Variants in CDH12 observed in about 807,000 individuals in gnomAD.
The protein encoded by CDH12 is cadherin-12.
Under a neutral mutation model 74.1 loss-of-function variants are expected in CDH12, and 41 were observed. The observed-to-expected ratio is 0.55, with a 90% CI of 0.43 to 0.72. The LOEUF is 0.72. CDH12 is among the 30% of genes least tolerant of loss of function. The pLI is 0.00. For missense variants in CDH12, 945 were observed against 977.2 expected, an observed-to-expected ratio of 0.97 and a Z score of 0.44; for synonymous variants, 399 against 355.0, an observed-to-expected ratio of 1.12 and a Z score of -1.39.
intron 5 of CDH12, among the ~76,000 whole-genome samples, chr5:22,042,574 A>G (rs1389658282): frequency 6.6e-6 from 1 of 152,158 alleles, no homozygotes; most frequent in Non-Finnish European, 1.5e-5. Context: ...TGGAAAACCT[A>G]TCAAGAATGA....
Position 21,827,567 on chromosome 5 carries a change from C to T in CDH12, c.815-10435G>A, listed in dbSNP as rs548094225. Among the ~76,000 whole-genome samples, 12 of 152,210 alleles carry T rather than the reference C, an allele frequency of 7.9e-5. No individual in the cohort carries two copies. The East Asian group carries it at 1.2e-3, about 15-fold the overall frequency. ...CACAACATTAAAGTACGAATTATTACGTTTAATACTATAGTTCTACTACTT... is the reference window on the plus strand; with the variant it reads ...CACAACATTAAAGTACGAATTATTATGTTTAATACTATAGTTCTACTACTT... On this transcript the variant is annotated intron_variant, in intron 8 of 14. Transcript: ENST00000382254.
intron 4 of CDH12, among the ~76,000 whole-genome samples, chr5:22,207,757 C>CCAAAATT (rs1302027779): frequency 5.9e-5 from 9 of 152,066 alleles, no homozygotes; most frequent in African/African-American, 2.4e-5. Flanking sequence ...ATAGTATGCC[C>CCAAAATT]CAAAATTCAA....
rs947322263 is a variant in CDH12 at position 22,315,593 on chromosome 5, A to G, written c.-333+89664T>C. ...TAAAATTAAGATGAGATTCATCAGA[A>G]AGGTGAAGGTCTAGAAAAGACATAT... On this transcript the variant is annotated intron_variant, in intron 3 of 14. Coordinates refer to ENST00000382254, the MANE Select transcript of CDH12 (RefSeq NM_004061.5). Among the ~76,000 whole-genome samples, 25 of 152,284 alleles carry G rather than the reference A, an allele frequency of 1.6e-4. No individual in the cohort carries two copies. In the East Asian group the frequency reaches 3.7e-3, roughly 22 times the overall value.
chr5:21,879,100 G>T (rs1033183687), intron 6 of CDH12, among the ~76,000 whole-genome samples: 3 of 152,050 alleles, frequency 2.0e-5, no homozygotes, highest in African/African-American at 4.8e-5. Context: ...TACTTCACAT[G>T]GTTCTCTCTC....
intron 4 of CDH12, among the ~76,000 whole-genome samples, chr5:22,098,523 A>C (rs565710517): frequency 6.4e-4 from 97 of 152,312 alleles, no homozygotes; most frequent in African/African-American, 2.1e-3. Context: ...TAGAGGCCCT[A>C]AAAATCACAA....
chr5:22,564,487 T>C (rs1320544645), intron 1 of CDH12, among the ~76,000 whole-genome samples: 3 of 152,240 alleles, frequency 2.0e-5, no homozygotes, highest in Non-Finnish European at 2.9e-5. Flanking sequence ...ATTATTATTG[T>C]TCTTATCTGA....
At chr5:22,722,121 A>G (rs1260371382) in intron 1 of CDH12, among the ~76,000 whole-genome samples, 2 of 152,186 alleles carry the variant, frequency 1.3e-5, no homozygotes, top group African/African-American at 4.8e-5. Context: ...CAATTGTAAC[A>G]TGGATTACAG....
At chr5:21,960,528 T>C (rs933478558) in intron 6 of CDH12, among the ~76,000 whole-genome samples, 5 of 152,166 alleles carry the variant, frequency 3.3e-5, no homozygotes, top group African/African-American at 1.2e-4. Context: ...CTTGGACAGT[T>C]ATTATTCTAT....
At chr5:22,599,201 T>A (rs1425498420) in intron 1 of CDH12, among the ~76,000 whole-genome samples, 1 of 152,122 alleles carries the variant, frequency 6.6e-6, no homozygotes, top group African/African-American at 2.4e-5. Context: ...TTCAATCCTG[T>A]CCCCTGATAC....
chr5:22,576,618 T>A (rs1232401012), intron 1 of CDH12, among the ~76,000 whole-genome samples: 3 of 152,170 alleles, frequency 2.0e-5, no homozygotes, highest in Non-Finnish European at 2.9e-5. Context: ...GAAATTGCCG[T>A]TAAGCAAATT....
intron 3 of CDH12, among the ~76,000 whole-genome samples, chr5:22,245,134 A>T (rs2150383615): frequency 6.6e-6 from 1 of 152,292 alleles, no homozygotes; most frequent in Admixed American, 6.5e-5. Context: ...TATAGTTTGG[A>T]TTTGAAATTT....
At chr5:22,761,232 C>T (rs780310830) in intron 1 of CDH12, among the ~76,000 whole-genome samples, 1 of 152,168 alleles carries the variant, frequency 6.6e-6, no homozygotes, top group Non-Finnish European at 1.5e-5. Context: ...TTCATGAAGA[C>T]TGAAGAAGTA....
At chr5:22,162,076 C>T (rs1252593645) in intron 4 of CDH12, among the ~76,000 whole-genome samples, 4 of 150,408 alleles carry the variant, frequency 2.7e-5, no homozygotes, top group Non-Finnish European at 1.5e-5. Context: ...AGGGCTCAGT[C>T]ACCCTTTACA....
At chr5:21,808,117 A>G (rs1215917204) in intron 9 of CDH12, among the ~76,000 whole-genome samples, 3 of 152,072 alleles carry the variant, frequency 2.0e-5, no homozygotes, top group Non-Finnish European at 4.4e-5. Flanking sequence ...AGTAGTAACT[A>G]CCACAAAAAC....
chr5:22,034,404 T>C (rs1183679599), intron 5 of CDH12, among the ~76,000 whole-genome samples: 1 of 152,182 alleles, frequency 6.6e-6, no homozygotes, highest in Non-Finnish European at 1.5e-5. Context: ...TCTAGTAATG[T>C]CTCTGGAGTT....
At chr5:22,474,784 A>G (rs1439442546) in intron 2 of CDH12, among the ~76,000 whole-genome samples, 2 of 152,112 alleles carry the variant, frequency 1.3e-5, no homozygotes, top group African/African-American at 2.4e-5. Flanking sequence ...TTTTGTTTAC[A>G]TGCATTATTG....
rs537262312 is a variant in CDH12, at chr5:21,755,199, A to G, written c.1885+392T>C. Among the ~76,000 whole-genome samples, 4 of 152,298 alleles carry G rather than the reference A, an allele frequency of 2.6e-5. No individual in the cohort carries two copies. In the South Asian group the frequency reaches 8.3e-4, roughly 32 times the overall value. ...AAGTATATTTTTTAAAAGATGACATAATCTCTTATTAGACAGCAGCAATTA... is the reference window on the plus strand; with the variant it reads ...AAGTATATTTTTTAAAAGATGACATGATCTCTTATTAGACAGCAGCAATTA... On this transcript the variant is annotated intron_variant, in intron 14 of 14. Transcript: ENST00000382254.
At chr5:22,838,250 T>C (rs1736922005) in intron 1 of CDH12, among the ~76,000 whole-genome samples, 2 of 152,184 alleles carry the variant, frequency 1.3e-5, no homozygotes, top group Admixed American at 1.3e-4. Flanking sequence ...CAGCTTCTTG[T>C]AGACCTCTTA....
At chr5:22,696,685 G>A (rs370257116) in intron 1 of CDH12, among the ~76,000 whole-genome samples, 6 of 152,240 alleles carry the variant, frequency 3.9e-5, no homozygotes, top group African/African-American at 1.2e-4. Context: ...CTTTTAAGGT[G>A]TAGCTTTCTA....
Sources: allele counts gnomAD v4.1 joint callset (sites outside exome capture counted in the v4.1 genomes callset), GRCh38; gene constraint gnomAD v4.1.1; transcripts MANE v1.5; gene names NCBI Gene and HGNC (gene_info 2026-07-23, HGNC 2026-07-21).